The following GRM8 variants were observed in gnomAD, a reference collection of about 807,000 sequenced individuals.
GRM8 encodes the protein metabotropic glutamate receptor 8.
In GRM8, 47 loss-of-function variants were observed where a neutral mutation model predicts 87.2. That is an observed-to-expected ratio of 0.54 (90% CI 0.43 to 0.69). GRM8 has a LOEUF of 0.69. Among genes scored for constraint, GRM8 ranks in the 30% least tolerant of loss-of-function variants. The pLI is 0.00. For synonymous variants in GRM8, 396 were observed against 404.5 expected (o/e 0.98, Z 0.25); for missense variants, 1,019 against 1,139.2 (o/e 0.89, Z 1.52).
intron 2 of GRM8, among the ~76,000 whole-genome samples, chr7:127,225,245 A>C (rs2116755310): frequency 6.6e-6 from 1 of 152,274 alleles, no homozygotes; most frequent in Admixed American, 6.5e-5. Flanking sequence ...GGATGAACCC[A>C]CCAGGCTTTT....
chr7:127,165,151 T>C (rs1448329420), intron 2 of GRM8, among the ~76,000 whole-genome samples: 2 of 36,970 alleles, frequency 5.4e-5, no homozygotes, highest in Non-Finnish European at 9.9e-5. Flanking sequence ...GATATATATA[T>C]ATATATATAT....
At position 127,243,264 on chromosome 7, in the gene GRM8, G is replaced by A; in HGVS notation, c.-60C>T. On this transcript the variant is annotated 5_prime_UTR_variant, in exon 2 of 11. Coordinates refer to ENST00000339582, the MANE Select transcript of GRM8 (RefSeq NM_000845.3). ...AAGTTTATTCTTGCCACAGAAGAAA[G>A]GGCACCACCTGAGGCTGCACCTTCT... 3.4e-6 allele frequency: 5 copies of A among 1,479,464 alleles called. No individual in the cohort carries two copies. Among genetic ancestry groups the A allele is most frequent in the Non-Finnish European group, 4.6e-6 (5 of 1,091,406 alleles). The allele number at this position is 1,479,464 out of a possible 1,614,324, so 91.6% of individuals were successfully genotyped here.
At chr7:126,471,706 A>G (rs1805266786) in intron 9 of GRM8, among the ~76,000 whole-genome samples, 1 of 151,950 alleles carries the variant, frequency 6.6e-6, no homozygotes, top group Non-Finnish European at 1.5e-5. Flanking sequence ...ACTTTAAAGT[A>G]GTTTCTTCCA....
At chr7:126,543,622 G>A (rs955291952) in intron 8 of GRM8, among the ~76,000 whole-genome samples, 4 of 152,168 alleles carry the variant, frequency 2.6e-5, no homozygotes. Flanking sequence ...TTGAAAGGCC[G>A]ATCATGACTT....
chr7:126,819,007 T>C (rs534081902), intron 6 of GRM8, among the ~76,000 whole-genome samples: 3 of 152,094 alleles, frequency 2.0e-5, no homozygotes, highest in African/African-American at 7.2e-5. Flanking sequence ...CCACTGCTAA[T>C]ACCCCAGTTC....
chr7:126,693,171 C>T (rs745409392), intron 7 of GRM8, among the ~76,000 whole-genome samples: 15 of 152,074 alleles, frequency 9.9e-5, no homozygotes, highest in Non-Finnish European at 1.9e-4. Flanking sequence ...ACCAAATTGT[C>T]AACATGGGTA....
chr7:127,028,863 C>G (rs1409169062), intron 3 of GRM8, among the ~76,000 whole-genome samples: 1 of 151,886 alleles, frequency 6.6e-6, no homozygotes, highest in Non-Finnish European at 1.5e-5. Context: ...TTAGTTATTT[C>G]TTGTCTTCTG....
At chr7:127,110,674 G>A (rs894382662) in intron 2 of GRM8, among the ~76,000 whole-genome samples, 4 of 151,966 alleles carry the variant, frequency 2.6e-5, no homozygotes, top group East Asian at 3.9e-4. Context: ...TAGGAAAAAC[G>A]CTTTTTCTTC....
intron 7 of GRM8, among the ~76,000 whole-genome samples, chr7:126,682,381 C>G (rs907203646): frequency 3.9e-5 from 6 of 152,286 alleles, no homozygotes; most frequent in East Asian, 1.9e-4. Context: ...CATAAACCAT[C>G]TGATTTATTT....
intron 6 of GRM8, among the ~76,000 whole-genome samples, chr7:126,884,133 C>T (rs1051473685): frequency 2.6e-5 from 4 of 152,040 alleles, no homozygotes; most frequent in African/African-American, 9.7e-5. Context: ...CTGGTTAACA[C>T]TATGGTGTAA....
At position 126,757,645 on chromosome 7, in the gene GRM8, A is replaced by G. The variant is rs374151914; in HGVS notation, c.1357+12220T>C. ...TATCTCTGTTCTGTGAGCATGGACA[A>G]CTGAGTCAGCTGGGCAGTGCTACAA... is the stretch of plus-strand genomic sequence containing the variant. On this transcript the variant is annotated intron_variant, in intron 7 of 10. Transcript: ENST00000339582. Among the ~76,000 whole-genome samples the G allele has an allele frequency of 1.1e-4, 16 of 152,256 alleles. No individual in the cohort carries two copies. The East Asian group carries it at 2.5e-3, about 24-fold the overall frequency.
chr7:127,155,508 T>A (rs1462595386), intron 2 of GRM8, among the ~76,000 whole-genome samples: 1 of 152,168 alleles, frequency 6.6e-6, no homozygotes, highest in Non-Finnish European at 1.5e-5. Context: ...CCCATCTGCA[T>A]GCTGAATGTC....
At chr7:127,178,298 G>C (rs1333254274) in intron 2 of GRM8, among the ~76,000 whole-genome samples, 1 of 152,018 alleles carries the variant, frequency 6.6e-6, no homozygotes, top group East Asian at 1.9e-4. Context: ...ATCCAAAAAA[G>C]ACAAAGAAAA....
chr7:127,049,800 G>A (rs1432316774), intron 3 of GRM8, among the ~76,000 whole-genome samples: 3 of 152,094 alleles, frequency 2.0e-5, no homozygotes, highest in Non-Finnish European at 4.4e-5. Flanking sequence ...CTTGAAGGAC[G>A]GGTACAGGTT....
intron 8 of GRM8, among the ~76,000 whole-genome samples, chr7:126,585,845 A>G (rs542795817): frequency 6.6e-6 from 1 of 152,314 alleles, no homozygotes; most frequent in East Asian, 1.9e-4. Flanking sequence ...ATCAGGCAGG[A>G]GAAAGAAATA....
At chr7:126,804,252 T>C (rs1479667517) in intron 6 of GRM8, among the ~76,000 whole-genome samples, 1 of 152,218 alleles carries the variant, frequency 6.6e-6, no homozygotes, top group Non-Finnish European at 1.5e-5. Context: ...TCTCTACTAC[T>C]TTAAGGAAAG....
intron 3 of GRM8, among the ~76,000 whole-genome samples, chr7:127,076,842 T>C (rs543747910): frequency 6.6e-6 from 1 of 152,370 alleles, no homozygotes; most frequent in African/African-American, 2.4e-5. Context: ...ACGTCAGTTA[T>C]GCCTTATCAT....
intron 7 of GRM8, among the ~76,000 whole-genome samples, chr7:126,723,509 G>C (rs1306760589): frequency 1.3e-5 from 2 of 150,744 alleles, no homozygotes; most frequent in Non-Finnish European, 3.0e-5. Context: ...GACAGAATCA[G>C]AACAATGGCT....
At chr7:126,739,651 C>T (rs1174873750) in intron 7 of GRM8, among the ~76,000 whole-genome samples, 2 of 151,968 alleles carry the variant, frequency 1.3e-5, no homozygotes, top group Admixed American at 6.6e-5. Flanking sequence ...TGGTGGTGAT[C>T]CTCCCACAAC....
Sources: allele counts gnomAD v4.1 joint callset (sites outside exome capture counted in the v4.1 genomes callset), GRCh38; gene constraint gnomAD v4.1.1; transcripts MANE v1.5; gene names NCBI Gene and HGNC (gene_info 2026-07-23, HGNC 2026-07-21).